Variants in ZBTB7C observed in about 807,000 individuals in gnomAD.
ZBTB7C encodes zinc finger and BTB domain-containing protein 7C.
A neutral mutation model predicts 25.7 loss-of-function variants in ZBTB7C; 8 were observed. That is an observed-to-expected ratio of 0.31 (90% CI 0.18 to 0.56). The LOEUF (loss-of-function observed/expected upper bound fraction) is 0.56, where lower values mean the gene tolerates loss of function less well. ZBTB7C is among the 20% of genes least tolerant of loss of function. The probability of loss-of-function intolerance (pLI) is 0.91; values close to 1 mark genes in which losing one functional copy is unlikely to be tolerated. For synonymous variants in ZBTB7C, 394 were observed against 369.0 expected (o/e 1.07, Z -0.78); for missense variants, 824 against 855.2 (o/e 0.96, Z 0.46).
intron 2 of ZBTB7C, among the ~76,000 whole-genome samples, chr18:48,194,840 G>T (rs1024182019): frequency 6.0e-5 from 9 of 150,368 alleles, no homozygotes; most frequent in African/African-American, 2.0e-4. Context: ...GTGGGTGCTG[G>T]AGTGCAGCAT....
chr18:48,111,743 T>C (rs2039249316), intron 3 of ZBTB7C, among the ~76,000 whole-genome samples: 1 of 152,052 alleles, frequency 6.6e-6, no homozygotes, highest in Non-Finnish European at 1.5e-5. Flanking sequence ...AGACCAACCT[T>C]CTCAAAACAG....
In ZBTB7C at chr18:48,041,077, T is replaced by C. The variant is rs1249272723; in HGVS notation, c.31A>G (p.Ile11Val). 5 of 1,607,828 alleles carry C rather than the reference T, an allele frequency of 3.1e-6. No individual in the cohort carries two copies. The highest frequency in any genetic ancestry group is 4.3e-6 in the Non-Finnish European group (5 of 1,175,678). The part of the protein sequence containing the change: MANDIDELIG[I>V]PFPNHSSEVL... ...TCACTGCTGTGGTTGGGGAAGGGAA[T>C]GCCAATGAGCTCATCAATGTCATTG... The change falls in exon 4 of 5, where the codon ATT becomes GTT. Residue 11 changes from isoleucine to valine, a missense_variant. Physicochemically the swap from Ile to Val is conservative, Grantham distance 29. This residue lies in a region of ZBTB7C where 117 missense variants were observed against 167.7 expected (regional missense o/e 0.70). Coordinates refer to ENST00000590800, the MANE Select transcript of ZBTB7C (RefSeq NM_001318841.2).
At chr18:48,229,336 T>C (rs774873928) in intron 2 of ZBTB7C, among the ~76,000 whole-genome samples, 59 of 152,224 alleles carry the variant, frequency 3.9e-4, no homozygotes, top group Non-Finnish European at 6.6e-4. Flanking sequence ...TTTACCTTGA[T>C]GGATAGTTAT....
At chr18:48,256,620 T>C (rs566572399) in intron 2 of ZBTB7C, among the ~76,000 whole-genome samples, 93 of 151,914 alleles carry the variant, frequency 6.1e-4, no homozygotes, top group Non-Finnish European at 9.4e-4. Context: ...CATTTATATC[T>C]GTATTTTAAA....
chr18:48,346,957 G>T, intron 1 of ZBTB7C, among the ~76,000 whole-genome samples: 1 of 150,730 alleles, frequency 6.6e-6, no homozygotes. Context: ...GCTAATTTTT[G>T]TATTTTTAGT....
At chr18:48,282,480 T>G (rs1283049109) in intron 2 of ZBTB7C, among the ~76,000 whole-genome samples, 2 of 151,948 alleles carry the variant, frequency 1.3e-5, no homozygotes, top group Non-Finnish European at 2.9e-5. Context: ...AAAAATTTAG[T>G]GTTATGACCT....
intron 2 of ZBTB7C, among the ~76,000 whole-genome samples, chr18:48,288,809 C>T (rs1049832287): frequency 4.6e-5 from 7 of 152,152 alleles, no homozygotes; most frequent in African/African-American, 7.2e-5. Context: ...CTTAAACTTC[C>T]CAGCCTCCAG....
chr18:48,221,525 G>C (rs1338452305), intron 2 of ZBTB7C, among the ~76,000 whole-genome samples: 1 of 129,746 alleles, frequency 7.7e-6, no homozygotes, highest in South Asian at 2.5e-4. Context: ...CCTCTATTCT[G>C]TCACCTAGTC....
At chr18:48,377,187 T>G (rs2145192325) in intron 1 of ZBTB7C, among the ~76,000 whole-genome samples, 1 of 152,264 alleles carries the variant, frequency 6.6e-6, no homozygotes, top group South Asian at 2.1e-4. Flanking sequence ...CACAGACCAC[T>G]TTGTTCTGTT....
chr18:48,324,299 G>A lies in ZBTB7C; in HGVS notation c.-79+13875C>T, dbSNP rs997444123. 5.3e-5 allele frequency among the ~76,000 whole-genome samples: 8 copies of A among 152,264 alleles called. No individual in the cohort carries two copies. The South Asian group carries it at 1.7e-3, about 32-fold the overall frequency. On this transcript the variant is annotated intron_variant, in intron 2 of 4. Coordinates refer to ENST00000590800, the MANE Select transcript of ZBTB7C (RefSeq NM_001318841.2). ...TGGAGTCAACCCGGAGAAGGCAAGGGAAGCCATCACCCCAAGAGAGCAGTG... is the reference window on the plus strand; with the variant it reads ...TGGAGTCAACCCGGAGAAGGCAAGGAAAGCCATCACCCCAAGAGAGCAGTG...
chr18:48,351,770 A>C (rs1322898132), intron 1 of ZBTB7C, among the ~76,000 whole-genome samples: 1 of 152,222 alleles, frequency 6.6e-6, no homozygotes, highest in Admixed American at 6.5e-5. Context: ...AGCCAGAGCC[A>C]GGCCTACGGA....
intron 3 of ZBTB7C, among the ~76,000 whole-genome samples, chr18:48,104,316 T>G (rs1002496505): frequency 9.9e-5 from 15 of 152,146 alleles, no homozygotes; most frequent in African/African-American, 3.4e-4. Flanking sequence ...TCTCTCCTGC[T>G]TCCTTCCTCT....
At chr18:48,032,327 G>T (rs533210705) in intron 4 of ZBTB7C, among the ~76,000 whole-genome samples, 39 of 151,336 alleles carry the variant, frequency 2.6e-4, no homozygotes, top group African/African-American at 9.5e-4. Context: ...ATGTTGGTCA[G>T]GCTGGTCTTG....
At chr18:48,193,383 C>T (rs1391767814) in intron 2 of ZBTB7C, among the ~76,000 whole-genome samples, 5 of 152,156 alleles carry the variant, frequency 3.3e-5, no homozygotes, top group African/African-American at 9.7e-5. Flanking sequence ...TTTCCTATTC[C>T]CCACACTCCC....
intron 2 of ZBTB7C, among the ~76,000 whole-genome samples, chr18:48,272,221 G>C (rs980899536): frequency 6.6e-6 from 1 of 152,188 alleles, no homozygotes; most frequent in Admixed American, 6.5e-5. Flanking sequence ...TCTCTAATGT[G>C]GTTAGGCAGT....
At chr18:48,385,066 CAGA>C (rs2047716301) in intron 1 of ZBTB7C, among the ~76,000 whole-genome samples, 2 of 152,160 alleles carry the variant, frequency 1.3e-5, no homozygotes, top group Non-Finnish European at 2.9e-5. Context: ...CCCTAAGCAG[CAGA>C]AGGTCATGTG....
At chr18:48,301,235 T>C (rs904683333) in intron 2 of ZBTB7C, among the ~76,000 whole-genome samples, 3 of 152,068 alleles carry the variant, frequency 2.0e-5, no homozygotes, top group African/African-American at 7.2e-5. Flanking sequence ...TCCCAGCGCT[T>C]TGGGAGGCTG....
chr18:48,229,730 C>T (rs1438885092), intron 2 of ZBTB7C, among the ~76,000 whole-genome samples: 1 of 152,088 alleles, frequency 6.6e-6, no homozygotes, highest in African/African-American at 2.4e-5. Context: ...CGGGAATTGT[C>T]GAAGAGTCTG....
rs142991350 is a variant in ZBTB7C, at chr18:48,207,561, A to G, written c.-78-21566T>C. The stretch of plus-strand genomic sequence containing the variant: ...TCAATCATCTATCATCTATCTATCC[A>G]CTGCCTATCATCTATCTATCTATCT... On this transcript the variant is annotated intron_variant, in intron 2 of 4. Transcript: ENST00000590800. 2.6e-3 allele frequency among the ~76,000 whole-genome samples: 382 copies of G among 147,748 alleles called. 1 individual carries two copies. Among genetic ancestry groups the G allele is most frequent in the African/African-American group, 9.0e-3 (366 of 40,446 alleles).
Sources: allele counts gnomAD v4.1 joint callset (sites outside exome capture counted in the v4.1 genomes callset), GRCh38; gene constraint gnomAD v4.1.1; regional missense constraint gnomAD v4.1.1; transcripts MANE v1.5; gene names NCBI Gene and HGNC (gene_info 2026-07-23, HGNC 2026-07-21).